SAMTOR: variants seen among roughly 807,000 people sequenced by gnomAD.
SAMTOR encodes UPF0532 protein C7orf60.
At chr7:112,923,415 A>G in the SAMTOR span, among the ~76,000 whole-genome samples, 14 of 152,032 alleles carry the variant, frequency 9.2e-5, no homozygotes, top group African/African-American at 2.9e-4. Context: ...CCTTCCCTCC[A>G]CTATTGTCCT....
chr7:112,901,097 A>G, the SAMTOR span, among the ~76,000 whole-genome samples: 15 of 152,238 alleles, frequency 9.9e-5, no homozygotes. Context: ...GAGAATGAAA[A>G]GAAAAGCCAC....
At chr7:112,882,334 C>T in the SAMTOR span, among the ~76,000 whole-genome samples, 4 of 152,310 alleles carry the variant, frequency 2.6e-5, no homozygotes, top group Admixed American at 1.3e-4. Context: ...TGGACAAAGG[C>T]ACCACCAGCC....
chr7:112,922,065 C>G, the SAMTOR span, among the ~76,000 whole-genome samples: 1 of 152,144 alleles, frequency 6.6e-6, no homozygotes, highest in African/African-American at 2.4e-5. Context: ...GCCTGATTCT[C>G]CTGCATCAGC....
the SAMTOR span, among the ~76,000 whole-genome samples, chr7:112,896,212 T>C: frequency 1.3e-5 from 2 of 151,906 alleles, no homozygotes; most frequent in African/African-American, 2.4e-5. Flanking sequence ...CACGCGCGTG[T>C]GTGTGTTTGT....
chr7:112,917,809 C>A, the SAMTOR span, among the ~76,000 whole-genome samples: 1 of 152,064 alleles, frequency 6.6e-6, no homozygotes, highest in Non-Finnish European at 1.5e-5. Flanking sequence ...ATGCAGAAGC[C>A]TCAGGAGCTG....
the SAMTOR span, among the ~76,000 whole-genome samples, chr7:112,890,677 ACATATATATGAATACTTTTTTTTTTT>A: frequency 1.3e-5 from 2 of 151,182 alleles, no homozygotes; most frequent in African/African-American, 4.8e-5. Flanking sequence ...ATACATATAT[ACATATATATGAATACTTTTTTTTTTT>A]TAAGACAGGG....
the SAMTOR span, among the ~76,000 whole-genome samples, chr7:112,860,780 C>T: frequency 2.6e-3 from 389 of 151,636 alleles, 1 homozygote; most frequent in Non-Finnish European, 5.0e-3. Flanking sequence ...GGCATGGTGG[C>T]GGGCGCTTGT....
At chr7:112,902,757 G>A in the SAMTOR span, among the ~76,000 whole-genome samples, 1 of 152,082 alleles carries the variant, frequency 6.6e-6, no homozygotes, top group African/African-American at 2.4e-5. Context: ...GGAACTTTCT[G>A]TACTTTCTGG....
At chr7:112,934,901 C>T in the SAMTOR span, among the ~76,000 whole-genome samples, 2 of 152,172 alleles carry the variant, frequency 1.3e-5, no homozygotes, top group African/African-American at 4.8e-5. Context: ...AATCAAATAG[C>T]TAAACACTAA....
chr7:112,920,881 A>G, the SAMTOR span, among the ~76,000 whole-genome samples: 3 of 152,000 alleles, frequency 2.0e-5, no homozygotes, highest in Non-Finnish European at 4.4e-5. Flanking sequence ...TAGGAATCCA[A>G]CTTACAAGGG....
At chr7:112,938,017 G>A in the SAMTOR span, among the ~76,000 whole-genome samples, 2 of 152,020 alleles carry the variant, frequency 1.3e-5, no homozygotes, top group African/African-American at 2.4e-5. Flanking sequence ...GGAATTCTAT[G>A]CTAGTCATTT....
chr7:112,912,362 A>C, the SAMTOR span, among the ~76,000 whole-genome samples: 1 of 152,014 alleles, frequency 6.6e-6, no homozygotes, highest in South Asian at 2.1e-4. Flanking sequence ...TCTGGCTTTT[A>C]ATGATTCATA....
chr7:112,935,317 T>C, the SAMTOR span: 1 of 363,980 alleles, frequency 2.7e-6, no homozygotes, highest in Non-Finnish European at 5.4e-6. Flanking sequence ...ATTCTAATTT[T>C]TAAAACAACT....
chr7:112,876,535 G>C, the SAMTOR span, among the ~76,000 whole-genome samples: 2 of 151,988 alleles, frequency 1.3e-5, no homozygotes, highest in Admixed American at 1.3e-4. Context: ...ACCTCAACCA[G>C]GTATTACAAC....
At chr7:112,895,497 A>G in the SAMTOR span, 1 of 1,117,284 alleles carries the variant, frequency 9.0e-7, no homozygotes, top group Non-Finnish European at 1.2e-6. Flanking sequence ...CTCACTGTTT[A>G]GTATGAACCA....
At chr7:112,881,134 C>T in the SAMTOR span, among the ~76,000 whole-genome samples, 3,497 of 152,270 alleles carry the variant, frequency 0.023, 68 homozygotes, top group Admixed American at 0.042. Flanking sequence ...AGTTGTGGGC[C>T]GAGTCCAGGC....
At chr7:112,906,331 G>C in the SAMTOR span, among the ~76,000 whole-genome samples, 1 of 151,974 alleles carries the variant, frequency 6.6e-6, no homozygotes, top group African/African-American at 2.4e-5. Flanking sequence ...TAATCTTATG[G>C]GACTACCATT....
chr7:112,893,730 C>T, the SAMTOR span, among the ~76,000 whole-genome samples: 4 of 152,262 alleles, frequency 2.6e-5, no homozygotes, highest in East Asian at 1.9e-4. Flanking sequence ...GGTGAAACCC[C>T]GTCTCTACTA....
At chr7:112,858,108 C>T in the SAMTOR span, among the ~76,000 whole-genome samples, 1 of 152,028 alleles carries the variant, frequency 6.6e-6, no homozygotes, top group Non-Finnish European at 1.5e-5. Flanking sequence ...AAACATCTAC[C>T]CATGTGAATG....
Sources: gnomAD v4.1 joint callset for allele counts (sites outside exome capture counted in the v4.1 genomes callset) on GRCh38, gnomAD v4.1.1 for gene constraint, MANE v1.5 for transcripts, NCBI Gene and HGNC (gene_info 2026-07-23, HGNC 2026-07-21) for gene names.